Variants in FMN2 observed in about 807,000 individuals in gnomAD.
The protein encoded by FMN2 is formin-2.
FMN2 carries 51 observed loss-of-function variants against 142.3 expected under a neutral mutation model. That is an observed-to-expected ratio of 0.36 (90% CI 0.29 to 0.45). FMN2 has a LOEUF of 0.45. Among genes scored for constraint, FMN2 ranks in the 20% least tolerant of loss-of-function variants. The pLI is 1.00. For missense variants in FMN2, 1,936 were observed against 2,122.8 expected, an observed-to-expected ratio of 0.91 and a Z score of 1.73; for synonymous variants, 882 against 869.8, an observed-to-expected ratio of 1.01 and a Z score of -0.25.
chr1:240,180,640 C>T (rs948795511), intron 3 of FMN2, among the ~76,000 whole-genome samples: 3 of 147,618 alleles, frequency 2.0e-5, no homozygotes, highest in Non-Finnish European at 4.4e-5. Context: ...CATCTCGGCT[C>T]ACTGCAACCT....
chr1:240,433,467 T>C (rs1413986404), intron 15 of FMN2, among the ~76,000 whole-genome samples: 1 of 152,242 alleles, frequency 6.6e-6, no homozygotes, highest in Non-Finnish European at 1.5e-5. Flanking sequence ...TTTTCTATTT[T>C]CTTTGTTCTT....
chr1:240,114,653 TTTC>T (rs1661949658), intron 1 of FMN2, among the ~76,000 whole-genome samples: 1 of 148,880 alleles, frequency 6.7e-6, no homozygotes, highest in Non-Finnish European at 1.5e-5. Context: ...AATTATATCA[TTTC>T]TTTTTTTTTT....
chr1:240,237,356 T>C (rs1667745907), intron 6 of FMN2, among the ~76,000 whole-genome samples: 1 of 152,212 alleles, frequency 6.6e-6, no homozygotes, highest in Non-Finnish European at 1.5e-5. Context: ...CAGCTCTGCA[T>C]ACCAGCTGCT....
chr1:240,313,223 C>T (rs1037780777), intron 8 of FMN2, among the ~76,000 whole-genome samples: 1 of 152,200 alleles, frequency 6.6e-6, no homozygotes, highest in Non-Finnish European at 1.5e-5. Flanking sequence ...TCTACCCATC[C>T]GATGCTTCCT....
chr1:240,188,085 G>A (rs374751164), intron 3 of FMN2, 122 bp from the exon 4 acceptor site: 1 of 833,772 alleles, frequency 1.2e-6, no homozygotes. Context: ...TTGGAAGAGA[G>A]ACTGGATATT....
chr1:240,458,833 GTTGT>G (rs1676340167), intron 16 of FMN2: 1 of 152,016 alleles, frequency 6.6e-6, no homozygotes, highest in Non-Finnish European at 1.5e-5. Flanking sequence ...ACCAGTGATT[GTTGT>G]TTTACTATTT....
intron 2 of FMN2, among the ~76,000 whole-genome samples, chr1:240,158,741 C>T (rs1418746958): frequency 6.6e-6 from 1 of 152,114 alleles, no homozygotes; most frequent in Non-Finnish European, 1.5e-5. Flanking sequence ...TTCTGAACCC[C>T]TAATGCATCC....
Position 240,247,061 on chromosome 1 carries a change from A to C in FMN2, c.4066-10884A>C, listed in dbSNP as rs116323132. Among the ~76,000 whole-genome samples the C allele has an allele frequency of 3.3e-3, 496 of 152,316 alleles. 4 individuals carry two copies. The highest frequency in any genetic ancestry group is 0.011 in the African/African-American group (463 of 41,552). ...TCGTAATGCAAAGTTTGGGTTACTT[A>C]AGGACACTGTGGAATCCATCCTTTT... On this transcript the variant is annotated intron_variant, in intron 6 of 17. Transcript: ENST00000319653.
chr1:240,118,899 T>G (rs1662125902), intron 1 of FMN2, among the ~76,000 whole-genome samples: 1 of 151,930 alleles, frequency 6.6e-6, no homozygotes, highest in South Asian at 2.1e-4. Flanking sequence ...GGAGGAGGGA[T>G]AGTAGGGTCT....
At chr1:240,322,020 C>T (rs547027258) in intron 8 of FMN2, among the ~76,000 whole-genome samples, 7 of 152,242 alleles carry the variant, frequency 4.6e-5, no homozygotes, top group South Asian at 2.1e-4. Context: ...GCATTTAATA[C>T]ACCTAGCTTA....
chr1:240,471,201 G>T (rs116467093), intron 16 of FMN2, among the ~76,000 whole-genome samples: 3,093 of 152,160 alleles, frequency 0.02, 104 homozygotes, highest in African/African-American at 0.07. Context: ...TGTTATTACT[G>T]CTCACTCTCT....
intron 6 of FMN2, among the ~76,000 whole-genome samples, chr1:240,251,542 T>C (rs1287853686): frequency 6.6e-6 from 1 of 152,242 alleles, no homozygotes; most frequent in Non-Finnish European, 1.5e-5. Flanking sequence ...ATGTGTGTTC[T>C]CTAGCTGTTG....
At chr1:240,215,800 C>G (rs748512048) in intron 6 of FMN2, among the ~76,000 whole-genome samples, 54 of 152,204 alleles carry the variant, frequency 3.5e-4, no homozygotes, top group Non-Finnish European at 6.9e-4. Flanking sequence ...CCTCCCCCTC[C>G]CGGGTTCAAG....
intron 7 of FMN2, among the ~76,000 whole-genome samples, chr1:240,271,387 G>A (rs1669008775): frequency 1.4e-5 from 2 of 138,732 alleles, no homozygotes; most frequent in African/African-American, 5.4e-5. Context: ...GAGCAATGTT[G>A]TTTTTCCCCA....
At chr1:240,171,029 G>A in intron 2 of FMN2, 1 of 935,650 alleles carries the variant, frequency 1.1e-6, no homozygotes, top group Non-Finnish European at 1.8e-6. Flanking sequence ...CAGGGCTGGG[G>A]CGTCAGTGTG....
At chr1:240,319,613 T>C (rs1670903893) in intron 8 of FMN2, among the ~76,000 whole-genome samples, 1 of 152,218 alleles carries the variant, frequency 6.6e-6, no homozygotes, top group South Asian at 2.1e-4. Flanking sequence ...TTAGTTCTTG[T>C]AGACTGAAAC....
At position 240,335,749 on chromosome 1, in the gene FMN2, A is replaced by G. The variant is rs151288035; in HGVS notation, c.4765+1520A>G. 1.8e-3 allele frequency among the ~76,000 whole-genome samples: 275 copies of G among 152,290 alleles called. 1 individual carries two copies. Among genetic ancestry groups the G allele is most frequent in the Admixed American group, 3.3e-3 (50 of 15,294 alleles). On this transcript the variant is annotated intron_variant, in intron 13 of 17. Transcript: ENST00000319653. The stretch of plus-strand genomic sequence containing the variant: ...TATGATAAATACACAACTTCTTACT[A>G]TAGGCATTAAACATACATGTAATTA...
chr1:240,438,289 G>A lies in FMN2; in HGVS notation c.5060+79G>A, dbSNP rs112302388. The A allele has an allele frequency of 1.6e-3, 2,325 of 1,452,340 alleles. 11 individuals carry two copies. In the African/African-American group the frequency reaches 0.017, roughly 11 times the overall value. The allele number at this position is 1,452,340 out of a possible 1,614,324, so 90.0% of individuals were successfully genotyped here. A position where few individuals can be genotyped will look rare whatever the true frequency, so the allele number is the denominator to read the frequency against. Reference sequence around the variant, plus strand: ...TGGCACCACTGGGTTGCCAATTTTCGTAGCCTGAAGAAAAAATTAGATGGC... The same window carrying A: ...TGGCACCACTGGGTTGCCAATTTTCATAGCCTGAAGAAAAAATTAGATGGC... On this transcript the variant is annotated intron_variant, in intron 16 of 17. Transcript: ENST00000319653.
intron 7 of FMN2, among the ~76,000 whole-genome samples, chr1:240,261,195 A>G (rs1011565973): frequency 1.4e-4 from 21 of 152,160 alleles, no homozygotes; most frequent in Admixed American, 6.5e-5. Context: ...TGATGCTTCC[A>G]GATCTGTTCT....
Sources: allele counts gnomAD v4.1 joint callset (sites outside exome capture counted in the v4.1 genomes callset), GRCh38; gene constraint gnomAD v4.1.1; transcripts MANE v1.5; gene names NCBI Gene and HGNC (gene_info 2026-07-23, HGNC 2026-07-21).